The following METTL15 variants were observed in gnomAD, a reference collection of about 807,000 sequenced individuals.
The protein encoded by METTL15 is methyltransferase 15, mitochondrial 12S rRNA N4-cytidine.
In METTL15, 34 loss-of-function variants were observed where a neutral mutation model predicts 38.3. The ratio of observed to expected loss-of-function variants is 0.89; its 90% CI spans 0.68 to 1.18. The LOEUF (loss-of-function observed/expected upper bound fraction) is 1.18. Among genes scored for constraint, METTL15 ranks in the 50% most tolerant of loss-of-function variants. METTL15 has a pLI of 0.00. For missense variants in METTL15, 438 were observed against 498.4 expected (o/e 0.88, Z 1.15); for synonymous variants, 162 against 170.9 (o/e 0.95, Z 0.41).
chr11:28,203,779 C>T (rs1162401546), intron 3 of METTL15, among the ~76,000 whole-genome samples: 2 of 151,876 alleles, frequency 1.3e-5, no homozygotes, highest in African/African-American at 4.8e-5. Context: ...AAAGAACTAG[C>T]CTAAAATAAG....
At chr11:28,238,754 T>G (rs973050350) in intron 4 of METTL15, among the ~76,000 whole-genome samples, 6 of 152,084 alleles carry the variant, frequency 3.9e-5, no homozygotes, top group Admixed American at 3.9e-4. Flanking sequence ...TCTTGGCTCC[T>G]CCATTCTTTC....
At chr11:28,240,018 G>A (rs1019047872) in intron 4 of METTL15, among the ~76,000 whole-genome samples, 3 of 151,988 alleles carry the variant, frequency 2.0e-5, no homozygotes, top group Non-Finnish European at 2.9e-5. Context: ...GGCCATAATA[G>A]GGTATCAATA....
intron 5 of METTL15, among the ~76,000 whole-genome samples, chr11:28,391,122 A>AT (rs1850501710): frequency 6.6e-6 from 1 of 151,880 alleles, no homozygotes; most frequent in Non-Finnish European, 1.5e-5. Flanking sequence ...GCTTAAGGAG[A>AT]TTTTGGGCTG....
intron 3 of METTL15, among the ~76,000 whole-genome samples, chr11:28,146,939 A>G (rs758109398): frequency 9.2e-5 from 14 of 151,904 alleles, no homozygotes; most frequent in Non-Finnish European, 1.9e-4. Context: ...TATTTCATTT[A>G]TATAAAGAAT....
chr11:28,518,577 A>C (rs772493818), intron 6 of METTL15, among the ~76,000 whole-genome samples: 1 of 152,194 alleles, frequency 6.6e-6, no homozygotes, highest in Non-Finnish European at 1.5e-5. Context: ...GGTCTTCAGA[A>C]AGTGTCAGCT....
intron 6 of METTL15, among the ~76,000 whole-genome samples, chr11:28,511,394 A>G (rs1851672924): frequency 6.6e-6 from 1 of 152,246 alleles, no homozygotes; most frequent in South Asian, 2.1e-4. Context: ...GAGAATCATA[A>G]GGAAGAGAAA....
At chr11:28,366,872 G>A (rs910007573) in intron 5 of METTL15, among the ~76,000 whole-genome samples, 1 of 152,112 alleles carries the variant, frequency 6.6e-6, no homozygotes, top group Non-Finnish European at 1.5e-5. Context: ...TAGTCCAAAA[G>A]GTCTTTATGA....
chr11:28,400,539 T>A (rs1294976196), intron 5 of METTL15, among the ~76,000 whole-genome samples: 1 of 152,050 alleles, frequency 6.6e-6, no homozygotes, highest in Non-Finnish European at 1.5e-5. Context: ...GAGAAACAGT[T>A]TAAAACCAAC....
intron 4 of METTL15, among the ~76,000 whole-genome samples, chr11:28,241,733 C>T (rs1854308102): frequency 6.6e-6 from 1 of 152,058 alleles, no homozygotes; most frequent in Non-Finnish European, 1.5e-5. Flanking sequence ...AAGGAAAAGC[C>T]AGAGCAAGGT....
chr11:28,369,281 G>T (rs1321952428), intron 5 of METTL15, among the ~76,000 whole-genome samples: 1 of 151,902 alleles, frequency 6.6e-6, no homozygotes. Flanking sequence ...AAAGGATAAA[G>T]AAGAAAAAGC....
At chr11:28,488,122 T>A (rs1210331633) in intron 6 of METTL15, among the ~76,000 whole-genome samples, 1 of 152,208 alleles carries the variant, frequency 6.6e-6, no homozygotes, top group Non-Finnish European at 1.5e-5. Context: ...GAAAATATGC[T>A]TATTTAACTC....
At chr11:28,497,997 T>C (rs1351564364) in intron 6 of METTL15, among the ~76,000 whole-genome samples, 1 of 149,426 alleles carries the variant, frequency 6.7e-6, no homozygotes, top group East Asian at 2.0e-4. Context: ...GAGGTTGCAG[T>C]GAGCCAAAAT....
Position 28,330,399 on chromosome 11 carries a change from C to G in METTL15, c.782C>G (p.Ala261Gly). The G allele has an allele frequency of 1.3e-6, 2 of 1,535,962 alleles. No homozygotes were observed. The highest frequency in any genetic ancestry group is 2.5e-5 in the South Asian group (2 of 80,726). ...ATCTTTACAACATTTGTTTTAGGAG[C>G]ATTTCCTCCCTCTGCTATTTATACA... ...TQQLASIVAG[A>G]FPPSAIYTRK... Residue 261 changes from alanine (A) to glycine (G), a missense_variant, in exon 7 of 7, where the codon GCA becomes GGA. Coordinates refer to ENST00000407364, the MANE Select transcript of METTL15 (RefSeq NM_001113528.2).
chr11:28,195,566 T>G (rs182969473), intron 3 of METTL15, among the ~76,000 whole-genome samples: 3 of 152,272 alleles, frequency 2.0e-5, no homozygotes, highest in Admixed American at 1.3e-4. Flanking sequence ...GATTGTTTTC[T>G]TCTTGCTCAT....
intron 6 of METTL15, among the ~76,000 whole-genome samples, chr11:28,445,537 T>C (rs1465211042): frequency 6.6e-6 from 1 of 152,190 alleles, no homozygotes; most frequent in Non-Finnish European, 1.5e-5. Flanking sequence ...CAGTCTTGGA[T>C]TGTGCAGGGT....
At chr11:28,292,566 A>G (rs1434034319) in intron 5 of METTL15, among the ~76,000 whole-genome samples, 3 of 152,254 alleles carry the variant, frequency 2.0e-5, no homozygotes, top group Non-Finnish European at 1.5e-5. Flanking sequence ...TCCTTTGGGT[A>G]TATACCCAGT....
intron 6 of METTL15, among the ~76,000 whole-genome samples, chr11:28,504,627 G>C (rs1851612334): frequency 6.6e-6 from 1 of 152,162 alleles, no homozygotes; most frequent in Admixed American, 6.5e-5. Flanking sequence ...CCAGCTTGTT[G>C]GGAAACAAGT....
chr11:28,484,705 C>T (rs997846474), intron 6 of METTL15, among the ~76,000 whole-genome samples: 1 of 152,118 alleles, frequency 6.6e-6, no homozygotes, highest in African/African-American at 2.4e-5. Context: ...CTGGCTCCTA[C>T]CAACTCATTC....
chr11:28,392,907 G>A (rs1850526720), intron 5 of METTL15, among the ~76,000 whole-genome samples: 1 of 151,894 alleles, frequency 6.6e-6, no homozygotes, highest in Admixed American at 6.6e-5. Context: ...AAAAGATGTT[G>A]AACATCACTG....
Sources: allele counts gnomAD v4.1 joint callset (sites outside exome capture counted in the v4.1 genomes callset), GRCh38; gene constraint gnomAD v4.1.1; transcripts MANE v1.5; gene names NCBI Gene and HGNC (gene_info 2026-07-23, HGNC 2026-07-21).